The following POU2F1 variants were observed in gnomAD, a reference collection of about 807,000 sequenced individuals.
POU2F1 encodes POU class 2 homeobox 1, also known as POU domain, class 2, transcription factor 1.
Under a neutral mutation model 84.9 loss-of-function variants are expected in POU2F1, and 16 were observed. The observed-to-expected ratio is 0.19, with a 90% CI of 0.13 to 0.29. The LOEUF (loss-of-function observed/expected upper bound fraction) is 0.29. POU2F1 is among the 10% of genes least tolerant of loss of function. The pLI, the probability that POU2F1 is intolerant of heterozygous loss-of-function variation, is 1.00. For missense variants in POU2F1, 738 were observed against 942.6 expected, an observed-to-expected ratio of 0.78 and a Z score of 2.84; for synonymous variants, 368 against 368.3, an observed-to-expected ratio of 1.00 and a Z score of 0.01.
At chr1:167,296,659 A>G (rs1223447366) in intron 1 of POU2F1, among the ~76,000 whole-genome samples, 1 of 152,222 alleles carries the variant, frequency 6.6e-6, no homozygotes, top group East Asian at 1.9e-4. Flanking sequence ...CTCGGTGTCC[A>G]TTAAAAAGAT....
At chr1:167,346,682 G>C (rs1207531742) in intron 2 of POU2F1, among the ~76,000 whole-genome samples, 1 of 152,196 alleles carries the variant, frequency 6.6e-6, no homozygotes, top group Non-Finnish European at 1.5e-5. Flanking sequence ...ACAGGAGGCA[G>C]CGCTCAGGCA....
intron 12 of POU2F1, among the ~76,000 whole-genome samples, chr1:167,399,644 T>C (rs955884131): frequency 2.0e-5 from 3 of 152,126 alleles, no homozygotes; most frequent in South Asian, 2.1e-4. Flanking sequence ...CAAGAACTTA[T>C]TGGTCTTGCT....
At chr1:167,289,780 C>T (rs1245299564) in intron 1 of POU2F1, among the ~76,000 whole-genome samples, 3 of 152,120 alleles carry the variant, frequency 2.0e-5, no homozygotes, top group Non-Finnish European at 2.9e-5. Flanking sequence ...CATTTGAAAA[C>T]GTTTGGTCTG....
At chr1:167,229,374 G>C (rs979890600) in intron 1 of POU2F1, among the ~76,000 whole-genome samples, 1 of 152,110 alleles carries the variant, frequency 6.6e-6, no homozygotes, top group South Asian at 2.1e-4. Flanking sequence ...TTTGAGACAT[G>C]TTTGGGTGGG....
intron 9 of POU2F1, among the ~76,000 whole-genome samples, chr1:167,393,198 A>G (rs1648551148): frequency 6.6e-6 from 1 of 152,202 alleles, no homozygotes; most frequent in African/African-American, 2.4e-5. Context: ...TACTTAAAAC[A>G]TTTACTTTTG....
intron 9 of POU2F1, among the ~76,000 whole-genome samples, chr1:167,391,992 G>A (rs558042045): frequency 6.6e-6 from 1 of 152,264 alleles, no homozygotes; most frequent in African/African-American, 2.4e-5. Flanking sequence ...GACTTGTGAA[G>A]AAGCAAATTA....
At chr1:167,244,013 A>T (rs1008915383) in intron 1 of POU2F1, among the ~76,000 whole-genome samples, 7 of 152,136 alleles carry the variant, frequency 4.6e-5, no homozygotes, top group African/African-American at 1.7e-4. Context: ...ACTCTGAATC[A>T]TATTGCCAAT....
At chr1:167,267,064 A>G (rs1221386596) in intron 1 of POU2F1, among the ~76,000 whole-genome samples, 1 of 152,216 alleles carries the variant, frequency 6.6e-6, no homozygotes, top group Non-Finnish European at 1.5e-5. Flanking sequence ...TACCTGTATT[A>G]ATAGTATTAG....
chr1:167,243,095 T>C (rs1003055284), intron 1 of POU2F1, among the ~76,000 whole-genome samples: 2 of 152,218 alleles, frequency 1.3e-5, no homozygotes, highest in Non-Finnish European at 2.9e-5. Flanking sequence ...TATATGCTCA[T>C]CTCTTTCTAC....
At chr1:167,375,604 TA>T (rs1478884107) in intron 6 of POU2F1, among the ~76,000 whole-genome samples, 1 of 152,232 alleles carries the variant, frequency 6.6e-6, no homozygotes, top group Non-Finnish European at 1.5e-5. Context: ...TCAAATGTCA[TA>T]AGTCATTATA....
intron 1 of POU2F1, among the ~76,000 whole-genome samples, chr1:167,262,201 G>C (rs1393932378): frequency 2.0e-5 from 3 of 151,864 alleles, no homozygotes; most frequent in Non-Finnish European, 4.4e-5. Flanking sequence ...TATTGTCCAG[G>C]CTGAGGTGCC....
intron 1 of POU2F1, among the ~76,000 whole-genome samples, chr1:167,282,995 A>G (rs1653264635): frequency 6.6e-6 from 1 of 152,204 alleles, no homozygotes. Flanking sequence ...ATGTATGTTA[A>G]ACACTTAGAA....
rs757424724 is a variant in POU2F1, at chr1:167,332,529, A to C, written c.121A>C (p.Asn41His). Residue 41 changes from asparagine (N) to histidine (H), a missense_variant, in exon 2 of 16, where the codon AAC (asparagine) becomes CAC (histidine). Around this residue, in one of 4 missense-constraint regions of POU2F1, gnomAD observed 161 missense variants for 147.0 expected, o/e 1.10. Coordinates refer to ENST00000367866, the MANE Select transcript of POU2F1 (RefSeq NM_002697.4). Reference protein sequence around the residue: ...SKPSMESGDGNTGTQTNGLDF... With the variant: ...SKPSMESGDGHTGTQTNGLDF... ...ACCATCTATGGAGAGTGGAGATGGC[A>C]ACACAGGTAAGAGTTTTCTGATCTA... is the stretch of plus-strand genomic sequence containing the variant. The C allele has an allele frequency of 1.2e-6, 2 of 1,602,654 alleles. No homozygotes were observed. Among genetic ancestry groups the C allele is most frequent in the Non-Finnish European group, 1.7e-6 (2 of 1,169,810 alleles).
At chr1:167,322,891 T>A (rs1332265644) in intron 1 of POU2F1, among the ~76,000 whole-genome samples, 1 of 152,236 alleles carries the variant, frequency 6.6e-6, no homozygotes, top group Non-Finnish European at 1.5e-5. Context: ...TTGTTTGTGG[T>A]TCAGGAACAC....
intron 4 of POU2F1, among the ~76,000 whole-genome samples, chr1:167,371,713 T>C (rs1317262841): frequency 6.6e-6 from 1 of 152,192 alleles, no homozygotes; most frequent in African/African-American, 2.4e-5. Context: ...AAAATTGTAA[T>C]AGCAGCTTTG....
chr1:167,237,209 G>A (rs921901734), intron 1 of POU2F1, among the ~76,000 whole-genome samples: 2 of 152,224 alleles, frequency 1.3e-5, no homozygotes, highest in African/African-American at 4.8e-5. Flanking sequence ...AGATGACAGT[G>A]ACCTTGAAGG....
chr1:167,299,695 G>GTTTTTTTTTTTTTTTTTTTTTTTTT (rs571000920), intron 1 of POU2F1, among the ~76,000 whole-genome samples: 30 of 139,370 alleles, frequency 2.2e-4, no homozygotes, highest in African/African-American at 7.9e-4. Context: ...GGAGACCAGA[G>GTTTTTTTTTTTTTTTTTTTTTTTTT]TTTTTTTTTT....
intron 1 of POU2F1, 85 bp from the exon 2 acceptor site, chr1:167,332,385 C>CTTTT: frequency 1.0e-6 from 1 of 985,546 alleles, no homozygotes; most frequent in Non-Finnish European, 1.6e-6. Flanking sequence ...TTAGTTAACC[C>CTTTT]TTTTCTCTGC....
At chr1:167,236,938 G>A (rs1459166810) in intron 1 of POU2F1, among the ~76,000 whole-genome samples, 3 of 152,152 alleles carry the variant, frequency 2.0e-5, no homozygotes, top group Non-Finnish European at 4.4e-5. Context: ...TAGAGTTTTA[G>A]CAGTCTAGGG....
Sources: allele counts gnomAD v4.1 joint callset (sites outside exome capture counted in the v4.1 genomes callset), GRCh38; gene constraint gnomAD v4.1.1; regional missense constraint gnomAD v4.1.1; transcripts MANE v1.5; gene names NCBI Gene and HGNC (gene_info 2026-07-23, HGNC 2026-07-21).